Variants in NREP observed in about 807,000 individuals in gnomAD.
NREP encodes the protein neuronal regeneration related protein.
A neutral mutation model predicts 8.6 loss-of-function variants in NREP; 5 were observed. The ratio of observed to expected loss-of-function variants is 0.58; its 90% confidence interval spans 0.30 to 1.22. The LOEUF is 1.22. Among genes scored for constraint, NREP ranks in the 50% most tolerant of loss-of-function variants. The pLI is 0.07. For synonymous variants in NREP, 27 were observed against 28.0 expected, an observed-to-expected ratio of 0.96 and a Z score of 0.11; for missense variants, 86 against 82.5, an observed-to-expected ratio of 1.04 and a Z score of -0.17.
intron 2 of NREP, among the ~76,000 whole-genome samples, chr5:111,877,295 C>G (rs528048537): frequency 6.6e-6 from 1 of 152,306 alleles, no homozygotes; most frequent in African/African-American, 2.4e-5. Context: ...TGCCCTGTCA[C>G]TTTTCAATCC....
intron 2 of NREP, among the ~76,000 whole-genome samples, chr5:111,775,405 A>G (rs954364435): frequency 2.0e-5 from 3 of 152,124 alleles, no homozygotes; most frequent in Non-Finnish European, 4.4e-5. Context: ...CCACATATAA[A>G]TACTTGTCAA....
intron 2 of NREP, among the ~76,000 whole-genome samples, chr5:111,847,819 C>G (rs984901556): frequency 1.3e-5 from 2 of 152,146 alleles, no homozygotes; most frequent in Non-Finnish European, 2.9e-5. Flanking sequence ...AAATATAATT[C>G]AAAGTTTTTA....
At chr5:111,872,424 G>T (rs1219696359) in intron 2 of NREP, among the ~76,000 whole-genome samples, 1 of 152,106 alleles carries the variant, frequency 6.6e-6, no homozygotes, top group Non-Finnish European at 1.5e-5. Flanking sequence ...ACACCCTCAT[G>T]GAAACACCTA....
At chr5:111,969,737 T>C (rs1460755533) in intron 2 of NREP, among the ~76,000 whole-genome samples, 1 of 152,176 alleles carries the variant, frequency 6.6e-6, no homozygotes, top group African/African-American at 2.4e-5. Context: ...CAGTTTTACA[T>C]ATACTGTAGG....
At position 111,862,374 on chromosome 5, in the gene NREP, C is replaced by T. The variant is rs756834597; in HGVS notation, c.135+112900G>A. 5.8e-4 allele frequency among the ~76,000 whole-genome samples: 88 copies of T among 152,244 alleles called. No homozygotes were observed. The Middle Eastern group carries it at 0.01, about 18-fold the overall frequency. ...GCCAGCTAAGTATGTGCACCCACTT[C>T]TTTATTCCAGAAAAGGAAGCTGTAA... On this transcript the variant is annotated intron_variant, in intron 2 of 3. Transcript: ENST00000395634.
chr5:111,817,661 C>T (rs893605831), intron 2 of NREP, among the ~76,000 whole-genome samples: 6 of 151,600 alleles, frequency 4.0e-5, no homozygotes, highest in South Asian at 4.2e-4. Context: ...AAAAATTAGC[C>T]GGGCGTAGTG....
At chr5:111,833,947 T>C (rs1377494327) in intron 2 of NREP, among the ~76,000 whole-genome samples, 1 of 152,206 alleles carries the variant, frequency 6.6e-6, no homozygotes, top group Non-Finnish European at 1.5e-5. Context: ...TCTTGGAAGA[T>C]AGAGATGGTG....
chr5:111,873,638 A>G (rs755176492), intron 2 of NREP, among the ~76,000 whole-genome samples: 2 of 151,800 alleles, frequency 1.3e-5, no homozygotes, highest in Non-Finnish European at 2.9e-5. Flanking sequence ...TCTCTGACGC[A>G]CTCTTCTGAC....
chr5:111,755,892 T>G, intron 1 of NREP, 62 bp from the exon 2 acceptor site: 1 of 1,598,172 alleles, frequency 6.3e-7, no homozygotes, highest in South Asian at 1.1e-5. Context: ...AAACGAAAAA[T>G]GCCTCTTTAG....
intron 2 of NREP, among the ~76,000 whole-genome samples, chr5:111,752,929 C>T (rs1225226617): frequency 2.0e-5 from 3 of 151,982 alleles, no homozygotes; most frequent in African/African-American, 7.3e-5. Context: ...TTAACTTATC[C>T]AAAGCAAGTG....
At position 111,730,181 on chromosome 5, in the gene NREP, A is replaced by C. The variant is rs1178428382; in HGVS notation, c.*740T>G. On this transcript the variant is annotated 3_prime_UTR_variant, in exon 4 of 4. Coordinates refer to ENST00000257435, the MANE Select transcript of NREP (RefSeq NM_004772.4). ...CAATGGTCTCTCACACTCTGGTAGC[A>C]TTCGCTCAACCTACAACACTGAGGA... is the stretch of plus-strand genomic sequence containing the variant. The C allele has an allele frequency of 6.6e-6, 1 of 152,640 alleles. No homozygotes were observed. The highest frequency in any genetic ancestry group is 1.5e-5 in the Non-Finnish European group (1 of 68,056). 9.5% of individuals were successfully genotyped at this position (152,640 alleles called of 1,614,324 possible).
chr5:111,839,802 T>C (rs575279669), intron 2 of NREP, among the ~76,000 whole-genome samples: 1 of 152,120 alleles, frequency 6.6e-6, no homozygotes, highest in African/African-American at 2.4e-5. Flanking sequence ...GCACAATGTA[T>C]TAATCTGCAT....
At chr5:111,878,338 T>C (rs1220107065) in intron 2 of NREP, among the ~76,000 whole-genome samples, 4 of 152,184 alleles carry the variant, frequency 2.6e-5, no homozygotes, top group Non-Finnish European at 4.4e-5. Context: ...CTTGTAATCA[T>C]GGCTGAAGGG....
intron 2 of NREP, among the ~76,000 whole-genome samples, chr5:111,949,868 T>C (rs1756103561): frequency 6.6e-6 from 1 of 152,136 alleles, no homozygotes; most frequent in Non-Finnish European, 1.5e-5. Context: ...TTTGCTATTC[T>C]AAATAGTGCT....
chr5:111,826,746 G>A (rs1189885922), intron 2 of NREP, among the ~76,000 whole-genome samples: 1 of 152,204 alleles, frequency 6.6e-6, no homozygotes, highest in Non-Finnish European at 1.5e-5. Context: ...TGTTGGCCAT[G>A]CTGGTCTCAA....
At chr5:111,828,882 C>T (rs1298289750) in intron 2 of NREP, among the ~76,000 whole-genome samples, 2 of 152,142 alleles carry the variant, frequency 1.3e-5, no homozygotes, top group African/African-American at 2.4e-5. Flanking sequence ...AGGAAGGTCA[C>T]AGCCTGGTGG....
chr5:111,830,518 A>G (rs1281678802), intron 2 of NREP, among the ~76,000 whole-genome samples: 3 of 152,242 alleles, frequency 2.0e-5, no homozygotes, highest in African/African-American at 7.2e-5. Context: ...TCTGATATAA[A>G]GAATCAACAG....
At chr5:111,919,535 A>G (rs773782241) in intron 2 of NREP, among the ~76,000 whole-genome samples, 28 of 152,172 alleles carry the variant, frequency 1.8e-4, no homozygotes, top group Non-Finnish European at 3.1e-4. Flanking sequence ...ATGGAATACT[A>G]TGCAGCCATA....
At chr5:111,928,480 C>T (rs1414901079) in intron 2 of NREP, among the ~76,000 whole-genome samples, 2 of 152,062 alleles carry the variant, frequency 1.3e-5, no homozygotes, top group Non-Finnish European at 2.9e-5. Flanking sequence ...GAATCTACGT[C>T]CCTGTGCTAA....
Sources: gnomAD v4.1 joint callset for allele counts (sites outside exome capture counted in the v4.1 genomes callset) on GRCh38, gnomAD v4.1.1 for gene constraint, MANE v1.5 for transcripts, NCBI Gene and HGNC (gene_info 2026-07-23, HGNC 2026-07-21) for gene names.